GLI2: variants seen among roughly 807,000 people sequenced by gnomAD.
GLI2 encodes the protein transcription activator GLI2.
Under a neutral mutation model 78.9 loss-of-function variants are expected in GLI2, and 22 were observed. That is an observed-to-expected ratio of 0.28 (90% confidence interval 0.20 to 0.40). The LOEUF (loss-of-function observed/expected upper bound fraction) is 0.40, where lower values mean the gene tolerates loss of function less well. Ranked by LOEUF, GLI2 falls within the 10% of genes least tolerant of loss-of-function variation. The pLI, the probability that GLI2 is intolerant of heterozygous loss-of-function variation, is 1.00. For missense variants in GLI2, 2,097 were observed against 2,213.2 expected (o/e 0.95, Z 1.05); for synonymous variants, 974 against 963.7 (o/e 1.01, Z -0.20).
chr2:120,930,951 CCGTGGATGCTGGCATG>C (rs1679919196), intron 3 of GLI2, among the ~76,000 whole-genome samples: 2 of 152,210 alleles, frequency 1.3e-5, no homozygotes, highest in African/African-American at 2.4e-5. Flanking sequence ...GAGAAGGGGG[CCGTGGATGCTGGCATG>C]CAGCAGGGAG....
At chr2:120,801,818 A>G (rs1684718894) in intron 2 of GLI2, among the ~76,000 whole-genome samples, 1 of 152,190 alleles carries the variant, frequency 6.6e-6, no homozygotes, top group Non-Finnish European at 1.5e-5. Context: ...ACTGAGGCCC[A>G]TTTGGGCATG....
chr2:120,736,738 G>T (rs964871043), intron 1 of GLI2, among the ~76,000 whole-genome samples: 2 of 152,156 alleles, frequency 1.3e-5, no homozygotes, highest in African/African-American at 4.8e-5. Flanking sequence ...GCTGCAGCCA[G>T]CCACTTGAGA....
chr2:120,951,608 G>C (rs937214052), intron 4 of GLI2, 163 bp downstream of exon 4: 2 of 580,672 alleles, frequency 3.4e-6, no homozygotes, highest in African/African-American at 3.7e-5. Context: ...CAAGTTTTTG[G>C]GTTTTATGCT....
chr2:120,988,654 C>T lies in GLI2; in HGVS notation c.2689C>T (p.Arg897Trp), dbSNP rs763893593. ...GCCGGGCCTGGAGCGCATGAGCCTG[C>T]GGACCAGGCTGGCGCTGCTGGACGC... ...PLPGLERMSL[R>W]TRLALLDAPE... is the part of the protein sequence containing the mutation. The change falls in exon 14 of 14, where the codon CGG becomes TGG. Residue 897 changes from arginine (R) to tryptophan (W), a missense_variant. Physicochemically the swap from Arg to Trp is moderately radical, Grantham distance 101. Around this residue, in one of 5 missense-constraint regions of GLI2, gnomAD observed 1,290 missense variants for 1,261.7 expected, o/e 1.02. Transcript: ENST00000361492. 2.2e-4 allele frequency: 316 copies of T among 1,414,830 alleles called. 4 individuals are homozygous for T. In the East Asian group the frequency reaches 0.01, roughly 46 times the overall value. The allele number at this position is 1,414,830 out of a possible 1,614,324, so 87.6% of individuals were successfully genotyped here.
At chr2:120,895,659 C>G (rs1272703079) in intron 2 of GLI2, among the ~76,000 whole-genome samples, 1 of 152,144 alleles carries the variant, frequency 6.6e-6, no homozygotes, top group Non-Finnish European at 1.5e-5. Context: ...ACTGAGATTG[C>G]ACCACTGCAC....
At chr2:120,801,977 C>T (rs1346726391) in intron 2 of GLI2, among the ~76,000 whole-genome samples, 1 of 152,174 alleles carries the variant, frequency 6.6e-6, no homozygotes, top group Non-Finnish European at 1.5e-5. Flanking sequence ...AATTTAGGTC[C>T]TACTGCTACC....
intron 2 of GLI2, among the ~76,000 whole-genome samples, chr2:120,834,595 G>A (rs1170512925): frequency 6.6e-6 from 1 of 152,160 alleles, no homozygotes; most frequent in Non-Finnish European, 1.5e-5. Flanking sequence ...AGTCATCGAA[G>A]CCCCAGATGT....
At chr2:120,755,712 GT>G (rs2104638417) in intron 1 of GLI2, among the ~76,000 whole-genome samples, 1 of 151,840 alleles carries the variant, frequency 6.6e-6, no homozygotes, top group Non-Finnish European at 1.5e-5. Flanking sequence ...AAGTATTAAA[GT>G]TTTAGGTTTT....
chr2:120,965,854 G>A (rs1681826995), intron 5 of GLI2, among the ~76,000 whole-genome samples: 1 of 152,228 alleles, frequency 6.6e-6, no homozygotes, highest in Admixed American at 6.5e-5. Flanking sequence ...CCTTCCTGCT[G>A]TAAGAGAAAG....
chr2:120,939,351 C>T (rs1463244891), intron 3 of GLI2, among the ~76,000 whole-genome samples: 3 of 152,164 alleles, frequency 2.0e-5, no homozygotes, highest in African/African-American at 7.2e-5. Flanking sequence ...CCCTTATCCC[C>T]TGCTCACTCT....
At chr2:120,823,156 T>C (rs1410063934) in intron 2 of GLI2, among the ~76,000 whole-genome samples, 2 of 152,240 alleles carry the variant, frequency 1.3e-5, no homozygotes, top group Admixed American at 1.3e-4. Flanking sequence ...GTCTTTGGTA[T>C]GCCGTTTGGT....
intron 2 of GLI2, among the ~76,000 whole-genome samples, chr2:120,872,409 G>A (rs924436177): frequency 3.3e-5 from 5 of 152,300 alleles, no homozygotes; most frequent in African/African-American, 9.6e-5. Flanking sequence ...CTGTCCTTTC[G>A]CCACCTGCCC....
chr2:120,775,264 C>A (rs949737236), intron 1 of GLI2, among the ~76,000 whole-genome samples: 1 of 152,310 alleles, frequency 6.6e-6, no homozygotes, highest in Admixed American at 6.5e-5. Flanking sequence ...TTGAGATGCA[C>A]GCTGCTTAAG....
chr2:120,884,089 G>C (rs547602766), intron 2 of GLI2, among the ~76,000 whole-genome samples: 1 of 152,308 alleles, frequency 6.6e-6, no homozygotes, highest in Non-Finnish European at 1.5e-5. Context: ...GGGCAGCTCA[G>C]TGCTGGGCTC....
intron 2 of GLI2, among the ~76,000 whole-genome samples, chr2:120,798,563 G>C (rs1684525436): frequency 6.6e-6 from 1 of 152,176 alleles, no homozygotes; most frequent in East Asian, 1.9e-4. Flanking sequence ...GTCATTATTG[G>C]GATGTGTGGC....
chr2:120,936,996 G>C (rs1258784458), intron 3 of GLI2, among the ~76,000 whole-genome samples: 2 of 152,182 alleles, frequency 1.3e-5, no homozygotes, highest in Non-Finnish European at 2.9e-5. Context: ...TATGTCTGGT[G>C]CCCGTCAAAA....
At chr2:120,854,406 G>A (rs1182392424) in intron 2 of GLI2, among the ~76,000 whole-genome samples, 1 of 152,148 alleles carries the variant, frequency 6.6e-6, no homozygotes, top group Non-Finnish European at 1.5e-5. Context: ...TCCTGAGGCC[G>A]ACAGGATGTG....
chr2:120,924,077 G>T (rs558621682), intron 2 of GLI2, among the ~76,000 whole-genome samples: 1 of 152,278 alleles, frequency 6.6e-6, no homozygotes, highest in East Asian at 1.9e-4. Context: ...ATGGCATTAG[G>T]AGACCCCCCC....
chr2:120,985,775 G>A (rs536349556), intron 12 of GLI2, among the ~76,000 whole-genome samples: 59 of 152,144 alleles, frequency 3.9e-4, no homozygotes, highest in Admixed American at 7.9e-4. Context: ...TAACCCAGAG[G>A]GAAGACTGTT....
Sources: gnomAD v4.1 joint callset for allele counts (sites outside exome capture counted in the v4.1 genomes callset) on GRCh38, gnomAD v4.1.1 for gene constraint, gnomAD v4.1.1 regional missense constraint, MANE v1.5 for transcripts, NCBI Gene and HGNC (gene_info 2026-07-23, HGNC 2026-07-21) for gene names.